Variants in FAT1 observed in about 807,000 individuals in gnomAD.
The protein encoded by FAT1 is protocadherin Fat 1.
In FAT1, 171 loss-of-function variants were observed where a neutral mutation model predicts 329.8. That is an observed-to-expected ratio of 0.52 (90% confidence interval 0.46 to 0.59). The LOEUF (loss-of-function observed/expected upper bound fraction) is 0.59. Ranked by LOEUF, FAT1 falls within the 20% of genes least tolerant of loss-of-function variation. The pLI is 0.00. For synonymous variants in FAT1, 2,233 were observed against 2,228.6 expected (o/e 1.00, Z -0.06); for missense variants, 5,672 against 5,774.4 (o/e 0.98, Z 0.57).
chr4:186,704,474 C>A (rs867330739), intron 2 of FAT1, among the ~76,000 whole-genome samples: 14 of 152,144 alleles, frequency 9.2e-5, no homozygotes, highest in Middle Eastern at 3.4e-3. Flanking sequence ...AAAGAAAAAA[C>A]CCAAAAGGCA....
chr4:186,711,457 A>G (rs1366342692), intron 1 of FAT1, among the ~76,000 whole-genome samples: 1 of 152,210 alleles, frequency 6.6e-6, no homozygotes, highest in Admixed American at 6.5e-5. Context: ...CAGTTCTAAT[A>G]CTCAGGGAAA....
chr4:186,669,397 C>T (rs927078407), intron 2 of FAT1, among the ~76,000 whole-genome samples: 1 of 152,166 alleles, frequency 6.6e-6, no homozygotes, highest in African/African-American at 2.4e-5. Flanking sequence ...ATTTGGAGCA[C>T]AGGAGACAGG....
intron 3 of FAT1, among the ~76,000 whole-genome samples, chr4:186,651,135 AAATT>A (rs1741633103): frequency 1.5e-5 from 2 of 133,158 alleles, no homozygotes; most frequent in African/African-American, 6.0e-5. Flanking sequence ...AATAATTACT[AAATT>A]TATTTATTAA....
intron 2 of FAT1, among the ~76,000 whole-genome samples, chr4:186,702,996 C>A (rs1455729448): frequency 6.6e-6 from 1 of 152,174 alleles, no homozygotes; most frequent in Non-Finnish European, 1.5e-5. Context: ...TTAATTAGAG[C>A]TCTGGAAACT....
intron 3 of FAT1, among the ~76,000 whole-genome samples, chr4:186,652,208 A>G (rs192332416): frequency 6.6e-6 from 1 of 151,674 alleles, no homozygotes; most frequent in East Asian, 1.9e-4. Flanking sequence ...AACTCAATTT[A>G]CAGGGAATTG....
intron 2 of FAT1, among the ~76,000 whole-genome samples, chr4:186,668,933 TCTAC>T (rs1395471654): frequency 6.6e-6 from 1 of 152,216 alleles, no homozygotes; most frequent in Non-Finnish European, 1.5e-5. Context: ...TCCATGAATG[TCTAC>T]CTATCAACTT....
In FAT1 at chr4:186,709,057, T is replaced by A. The variant is rs750201857; in HGVS notation, c.771A>T (p.Ile257=). Residue 257 remains isoleucine, a synonymous_variant, in exon 2 of 27, where the codon ATA becomes ATT. Coordinates refer to ENST00000441802, the MANE Select transcript of FAT1 (RefSeq NM_005245.4). ...IEQANECAPV[I]TAVTLSPSEL... The stretch of plus-strand genomic sequence containing the variant: ...CTGATGGTGACAATGTCACTGCTGT[T>A]ATCACCGGAGCACATTCATTGGCCT... 1.2e-6 allele frequency: 2 copies of A among 1,614,016 alleles called. No individual in the cohort carries two copies. The highest frequency in any genetic ancestry group is 3.3e-5 in the Admixed American group (2 of 60,030).
At chr4:186,602,789 T>C (rs183515028) in intron 20 of FAT1, 114 bp downstream of exon 20, 1 of 1,165,110 alleles carries the variant, frequency 8.6e-7, no homozygotes, top group Admixed American at 2.7e-5. Flanking sequence ...ACATCTGTCT[T>C]CTTACAATAA....
intron 3 of FAT1, among the ~76,000 whole-genome samples, chr4:186,644,781 T>C (rs778295987): frequency 1.1e-4 from 16 of 152,340 alleles, no homozygotes; most frequent in Admixed American, 7.8e-4. Flanking sequence ...GCGAAGCAGA[T>C]AGACGTAAAA....
At position 186,603,396 on chromosome 4, in the gene FAT1, T is replaced by C. The variant is rs1047775502; in HGVS notation, c.11130A>G (p.Gln3710=). 6.2e-6 allele frequency: 10 copies of C among 1,613,874 alleles called. No individual in the cohort carries two copies. Among genetic ancestry groups the C allele is most frequent in the African/African-American group, 1.3e-5 (1 of 74,910 alleles). ...CGGAAGAGTTAATCTTGTGCAGAAGTTGTTTTGTTGAGATCTGAGCACTAC... is the reference window on the plus strand; with the variant it reads ...CGGAAGAGTTAATCTTGTGCAGAAGCTGTTTTGTTGAGATCTGAGCACTAC... ...KPGSAQISTK[Q]LLHKINSSVT... The change falls in exon 19 of 27, where the codon CAA becomes CAG. Residue 3710 remains glutamine, a synonymous_variant. Coordinates refer to ENST00000441802, the MANE Select transcript of FAT1 (RefSeq NM_005245.4).
At chr4:186,662,435 C>T (rs1742217600) in intron 3 of FAT1, among the ~76,000 whole-genome samples, 1 of 152,112 alleles carries the variant, frequency 6.6e-6, no homozygotes, top group South Asian at 2.1e-4. Context: ...TTCTTGGAAG[C>T]AGGGAAGTCA....
chr4:186,610,634 T>TAAATATA (rs1310918842), intron 14 of FAT1, among the ~76,000 whole-genome samples: 1,651 of 101,150 alleles, frequency 0.016, 59 homozygotes, highest in African/African-American at 0.06. Context: ...ATAAATTATA[T>TAAATATA]AATTTATATA....
rs544235042 is a variant in FAT1 at position 186,673,244 on chromosome 4, C to T, written c.3266-9631G>A. ...TTTTTAATCTGTAAATTTCTGTAAC[C>T]ATGGATTTAAAAATCTATATTTAAA... On this transcript the variant is annotated intron_variant, in intron 2 of 26. Coordinates refer to ENST00000441802, the MANE Select transcript of FAT1 (RefSeq NM_005245.4). 1.5e-4 allele frequency among the ~76,000 whole-genome samples: 23 copies of T among 152,098 alleles called. 1 individual carries two copies. In the South Asian group the frequency reaches 4.6e-3, roughly 30 times the overall value.
chr4:186,667,978 C>T (rs1742533851), intron 2 of FAT1, among the ~76,000 whole-genome samples: 1 of 152,092 alleles, frequency 6.6e-6, no homozygotes, highest in Non-Finnish European at 1.5e-5. Context: ...CCTGGTGGGG[C>T]TATAACCATG....
Position 186,600,124 on chromosome 4 carries a change from C to T in FAT1, c.11877G>A (p.Gln3959=), listed in dbSNP as rs2126412257. 1 of 1,614,056 alleles carries T rather than the reference C, an allele frequency of 6.2e-7. No individual in the cohort carries two copies. Among genetic ancestry groups the T allele is most frequent in the Non-Finnish European group, 8.5e-7 (1 of 1,179,904 alleles). ...YVFFGGHIRQ[Q]GTRHGRSPQV... is the part of the protein sequence containing the mutation. ...GAGGACTTCTTCCATGCCTTGTTCC[C>T]TGCTGACGGATGTGGCCACCAAAAA... Residue 3959 remains glutamine, a synonymous_variant, in exon 22 of 27, where the codon CAG becomes CAA. Transcript: ENST00000441802.
At chr4:186,675,815 AC>A (rs1742928189) in intron 2 of FAT1, among the ~76,000 whole-genome samples, 2 of 149,482 alleles carry the variant, frequency 1.3e-5, no homozygotes, top group South Asian at 2.1e-4. Flanking sequence ...ACACACACAC[AC>A]ACACACACAA....
At position 186,682,526 on chromosome 4, in the gene FAT1, C is replaced by CAAAAAAAAAAAAAAAAAAAAA. The variant is rs10561120; in HGVS notation, c.3266-18914_3266-18913insTTTTTTTTTTTTTTTTTTTTT. ...TGAGTGAAAGAGCGAGACTCTGTCT[C>CAAAAAAAAAAAAAAAAAAAAA]AAAAAAAAAAAAAAAAAAGAAAGTT... On this transcript the variant is annotated intron_variant, in intron 2 of 26. Coordinates refer to ENST00000441802, the MANE Select transcript of FAT1 (RefSeq NM_005245.4). Among the ~76,000 whole-genome samples, 229 of 119,666 alleles carry CAAAAAAAAAAAAAAAAAAAAA rather than the reference C, an allele frequency of 1.9e-3. 9 individuals carry two copies. The highest frequency in any genetic ancestry group is 6.4e-3 in the African/African-American group (163 of 25,348). 78.5% of individuals were successfully genotyped at this position (119,666 alleles called of 152,430 possible).
At position 186,620,931 on chromosome 4, in the gene FAT1, T is replaced by C. The variant is rs2126520568; in HGVS notation, c.5655A>G (p.Glu1885=). ...CPPVFAKPLY[E]ASLLLPTYKG... is the part of the protein sequence containing the mutation. ...TGTATGTTGGTAACAAAAGAGATGC[T>C]TCATATAATGGCTTGGCAAACACAG... Residue 1885 remains glutamate, a synonymous_variant, in exon 10 of 27, where the codon GAA becomes GAG. Transcript: ENST00000441802. The C allele has an allele frequency of 1.2e-6, 2 of 1,614,032 alleles. No homozygotes were observed. The highest frequency in any genetic ancestry group is 2.2e-5 in the South Asian group (2 of 91,084).
chr4:186,597,485 G>A (rs1400008589), intron 24 of FAT1, among the ~76,000 whole-genome samples, 197 bp downstream of exon 24: 3 of 151,882 alleles, frequency 2.0e-5, no homozygotes, highest in Non-Finnish European at 4.4e-5. Context: ...TTTTTTTCAA[G>A]TATTATATAT....
Sources: gnomAD v4.1 joint callset for allele counts (sites outside exome capture counted in the v4.1 genomes callset) on GRCh38, gnomAD v4.1.1 for gene constraint, MANE v1.5 for transcripts, NCBI Gene and HGNC (gene_info 2026-07-23, HGNC 2026-07-21) for gene names.